Variants in NRG3 observed in about 807,000 individuals in gnomAD.
NRG3 encodes the protein neuregulin 3.
In NRG3, 31 loss-of-function variants were observed where a neutral mutation model predicts 66.9. The ratio of observed to expected loss-of-function variants is 0.46; its 90% CI spans 0.35 to 0.63. The LOEUF (loss-of-function observed/expected upper bound fraction) is 0.63. NRG3 is among the 20% of genes least tolerant of loss of function. The probability of loss-of-function intolerance (pLI) is 0.00; values close to 1 mark genes in which losing one functional copy is unlikely to be tolerated. For synonymous variants in NRG3, 393 were observed against 359.4 expected (o/e 1.09, Z -1.06); for missense variants, 910 against 878.9 (o/e 1.04, Z -0.45).
chr10:82,917,909 T>G (rs1462942607), intron 4 of NRG3, among the ~76,000 whole-genome samples: 1 of 150,552 alleles, frequency 6.6e-6, no homozygotes, highest in East Asian at 2.0e-4. Flanking sequence ...GGATTAAAAT[T>G]GTATTTTTAT....
intron 1 of NRG3, among the ~76,000 whole-genome samples, chr10:82,119,077 T>C (rs1020149596): frequency 1.3e-5 from 2 of 152,212 alleles, no homozygotes; most frequent in African/African-American, 4.8e-5. Flanking sequence ...TGATGTTTGA[T>C]TTATGAATGC....
rs551918177 is a variant in NRG3, at chr10:82,231,103, G to A, written c.824-127636G>A. On this transcript the variant is annotated intron_variant, in intron 1 of 8. Coordinates refer to ENST00000372141, the MANE Select transcript of NRG3 (RefSeq NM_001010848.4). ...CATGCCTGTAATCCCAGGACTTTGGGAGGCCGAGGAGGGTGGATCACCTAA... is the reference window on the plus strand; with the variant it reads ...CATGCCTGTAATCCCAGGACTTTGGAAGGCCGAGGAGGGTGGATCACCTAA... Among the ~76,000 whole-genome samples, 4 of 152,288 alleles carry A rather than the reference G, an allele frequency of 2.6e-5. No individual in the cohort carries two copies. In the South Asian group the frequency reaches 8.3e-4, roughly 32 times the overall value.
At chr10:82,206,369 C>T (rs2075115386) in intron 1 of NRG3, among the ~76,000 whole-genome samples, 2 of 152,100 alleles carry the variant, frequency 1.3e-5, no homozygotes, top group African/African-American at 4.8e-5. Flanking sequence ...TTCATTTTCC[C>T]CTGCTGCCCC....
intron 1 of NRG3, among the ~76,000 whole-genome samples, chr10:82,357,949 A>G (rs2083886738): frequency 6.6e-6 from 1 of 152,186 alleles, no homozygotes. Flanking sequence ...AATTGGAGCT[A>G]ATAGTTGCTT....
intron 1 of NRG3, among the ~76,000 whole-genome samples, chr10:81,890,367 G>C (rs1842921447): frequency 6.6e-6 from 1 of 152,146 alleles, no homozygotes; most frequent in Non-Finnish European, 1.5e-5. Context: ...TCTGTTACCA[G>C]TGGTAAGAAT....
rs73311963 is a variant in NRG3, at chr10:82,552,773, G to A, written c.954-185804G>A. ...TGTGAGTTATCAAATCTACATTTATGCCCATTTTACCAAGGAAATGGAGAC... is the reference window on the plus strand; with the variant it reads ...TGTGAGTTATCAAATCTACATTTATACCCATTTTACCAAGGAAATGGAGAC... On this transcript the variant is annotated intron_variant, in intron 2 of 8. Transcript: ENST00000372141. Among the ~76,000 whole-genome samples, 593 of 152,172 alleles carry A rather than the reference G, an allele frequency of 3.9e-3. 5 individuals carry two copies. Among genetic ancestry groups the A allele is most frequent in the African/African-American group, 0.014 (575 of 41,528 alleles).
chr10:82,579,889 G>A (rs2046252889), intron 2 of NRG3, among the ~76,000 whole-genome samples: 1 of 151,882 alleles, frequency 6.6e-6, no homozygotes, highest in Non-Finnish European at 1.5e-5. Flanking sequence ...AGCTGTCTCT[G>A]AAAATTATGC....
At chr10:82,213,857 T>C (rs1214908906) in intron 1 of NRG3, among the ~76,000 whole-genome samples, 2 of 152,198 alleles carry the variant, frequency 1.3e-5, no homozygotes, top group African/African-American at 2.4e-5. Flanking sequence ...TTTTATATAA[T>C]AGGAATCTGG....
At chr10:82,807,346 A>T (rs2061332530) in intron 3 of NRG3, among the ~76,000 whole-genome samples, 1 of 152,262 alleles carries the variant, frequency 6.6e-6, no homozygotes, top group South Asian at 2.1e-4. Context: ...ACTTGCAAGG[A>T]CTCAATAAGG....
chr10:82,036,995 A>T (rs567593924), intron 1 of NRG3, among the ~76,000 whole-genome samples: 1 of 152,126 alleles, frequency 6.6e-6, no homozygotes, highest in South Asian at 2.1e-4. Context: ...TATGAATTTG[A>T]TTATAATTTA....
intron 4 of NRG3, among the ~76,000 whole-genome samples, chr10:82,938,069 T>C (rs1458159402): frequency 6.6e-6 from 1 of 152,218 alleles, no homozygotes; most frequent in Non-Finnish European, 1.5e-5. Flanking sequence ...TTGGGTCAAA[T>C]AAAATGTATA....
At chr10:82,897,419 A>G (rs535047975) in intron 4 of NRG3, among the ~76,000 whole-genome samples, 3 of 152,200 alleles carry the variant, frequency 2.0e-5, no homozygotes, top group African/African-American at 7.2e-5. Flanking sequence ...TCCATCTTGA[A>G]TATAACCTGC....
intron 1 of NRG3, among the ~76,000 whole-genome samples, chr10:82,199,604 G>A (rs1047875588): frequency 3.9e-5 from 6 of 152,024 alleles, no homozygotes; most frequent in Non-Finnish European, 5.9e-5. Flanking sequence ...TATGTAAAAC[G>A]TTGATTTTCT....
chr10:82,096,313 A>G (rs1303593795), intron 1 of NRG3, among the ~76,000 whole-genome samples: 1 of 152,092 alleles, frequency 6.6e-6, no homozygotes, highest in Non-Finnish European at 1.5e-5. Context: ...CATCTCTACT[A>G]AAAATACAAC....
At chr10:82,686,642 C>G (rs1274504727) in intron 2 of NRG3, among the ~76,000 whole-genome samples, 1 of 152,112 alleles carries the variant, frequency 6.6e-6, no homozygotes, top group African/African-American at 2.4e-5. Context: ...CTTATGGGAC[C>G]GCAGTCATAT....
chr10:82,682,354 A>G (rs2054164000), intron 2 of NRG3, among the ~76,000 whole-genome samples: 1 of 152,084 alleles, frequency 6.6e-6, no homozygotes, highest in Admixed American at 6.6e-5. Flanking sequence ...TAGATGAAAG[A>G]TAAGATAGAT....
chr10:82,908,612 C>G (rs1365421803), intron 4 of NRG3, among the ~76,000 whole-genome samples: 1 of 152,194 alleles, frequency 6.6e-6, no homozygotes, highest in South Asian at 2.1e-4. Context: ...TAACTCCTTG[C>G]TGTTCACCTG....
intron 2 of NRG3, among the ~76,000 whole-genome samples, chr10:82,705,444 C>T (rs892323532): frequency 2.0e-5 from 3 of 152,224 alleles, no homozygotes; most frequent in African/African-American, 7.2e-5. Flanking sequence ...CAGATACATG[C>T]TTAAATGTGG....
At chr10:82,191,583 G>A (rs1207476518) in intron 1 of NRG3, among the ~76,000 whole-genome samples, 1 of 151,970 alleles carries the variant, frequency 6.6e-6, no homozygotes, top group Non-Finnish European at 1.5e-5. Context: ...AAGTTTGCAG[G>A]AGCCATTAAT....
Sources: gnomAD v4.1 joint callset for allele counts (sites outside exome capture counted in the v4.1 genomes callset) on GRCh38, gnomAD v4.1.1 for gene constraint, MANE v1.5 for transcripts, NCBI Gene and HGNC (gene_info 2026-07-23, HGNC 2026-07-21) for gene names.